RAD23B: variants seen among roughly 807,000 people sequenced by gnomAD.
The protein encoded by RAD23B is lysine-specific demethylase RAD23B.
RAD23B carries 5 observed loss-of-function variants against 49.1 expected under a neutral mutation model. The observed-to-expected ratio is 0.10, with a 90% CI of 0.05 to 0.21. RAD23B has a LOEUF of 0.21. Ranked by LOEUF, RAD23B falls within the 10% of genes least tolerant of loss-of-function variation. The probability of loss-of-function intolerance (pLI) is 1.00; values close to 1 mark genes in which losing one functional copy is unlikely to be tolerated. For synonymous variants in RAD23B, 184 were observed against 165.4 expected (o/e 1.11, Z -0.86); for missense variants, 356 against 486.7 (o/e 0.73, Z 2.53).
chr9:107,318,845 A>G lies in RAD23B; in HGVS notation c.647A>G (p.Asn216Ser). 2 of 1,613,828 alleles carry G rather than the reference A, an allele frequency of 1.2e-6. No homozygotes were observed. The highest frequency in any genetic ancestry group is 1.7e-6 in the Non-Finnish European group (2 of 1,179,720). ...QVIAALRASF[N>S]NPDRAVEYLL... ...ATTGCAGCCCTGAGAGCCAGTTTCA[A>G]CAACCCTGACAGAGCAGTGGAGTAT... Residue 216 changes from asparagine (N) to serine (S), a missense_variant, in exon 6 of 10, where the codon AAC becomes AGC. Physicochemically the swap from Asn to Ser is conservative, Grantham distance 46 (BLOSUM62 1). Transcript: ENST00000358015. This position sits in a 1 kb window ranked among gnomAD's most constrained non-coding sequence, Gnocchi z 4.3.
intron 1 of RAD23B, chr9:107,284,772 C>G (rs1833241035): frequency 8.0e-6 from 9 of 1,122,228 alleles, no homozygotes; most frequent in Non-Finnish European, 7.8e-6. Flanking sequence ...GGGTGGAGAT[C>G]AGGGGCTTTG....
intron 7 of RAD23B, among the ~76,000 whole-genome samples, chr9:107,323,398 T>G (rs994072293): frequency 6.6e-6 from 1 of 152,194 alleles, no homozygotes; most frequent in African/African-American, 2.4e-5. Context: ...GACCTCAGAC[T>G]TTAAATATCT....
chr9:107,327,827 A>G (rs1196611506), intron 9 of RAD23B, among the ~76,000 whole-genome samples: 1 of 152,016 alleles, frequency 6.6e-6, no homozygotes, highest in Non-Finnish European at 1.5e-5. Context: ...AGTTGTCTCT[A>G]TTATTGTTAA....
rs1035484494 is a variant in RAD23B, at chr9:107,326,948, A to G, written c.1116+1944A>G. 7.2e-5 allele frequency among the ~76,000 whole-genome samples: 11 copies of G among 151,834 alleles called. No individual in the cohort carries two copies. The South Asian group carries it at 8.3e-4, about 11-fold the overall frequency. On this transcript the variant is annotated intron_variant, in intron 9 of 9. Transcript: ENST00000358015. ...GCCACTGCACCCGGCCAACTTTTCT[A>G]TTTCTTTTAGAGTCAGTTTTGGTGG... is the stretch of plus-strand genomic sequence containing the variant.
At chr9:107,323,254 A>G (rs1194012404) in intron 7 of RAD23B, among the ~76,000 whole-genome samples, 3 of 152,166 alleles carry the variant, frequency 2.0e-5, no homozygotes, top group Non-Finnish European at 4.4e-5. Context: ...GTTTAGATAT[A>G]TTAGTACTAG....
At chr9:107,306,330 G>A in intron 3 of RAD23B, 49 bp from the exon 4 acceptor site, 2 of 1,546,820 alleles carry the variant, frequency 1.3e-6, no homozygotes, top group Middle Eastern at 1.8e-4. Flanking sequence ...TAGAGATCAG[G>A]CAGTATGTAG....
intron 5 of RAD23B, 145 bp downstream of exon 5, chr9:107,311,882 TAATA>T: frequency 1.6e-6 from 1 of 643,098 alleles, no homozygotes; most frequent in Non-Finnish European, 2.6e-6. Flanking sequence ...ATTATTCAAT[TAATA>T]GTGTTACTAA....
chr9:107,299,612 A>G (rs943331631), intron 1 of RAD23B, among the ~76,000 whole-genome samples: 4 of 152,276 alleles, frequency 2.6e-5, no homozygotes, highest in African/African-American at 9.6e-5. Context: ...AACTTTTTAA[A>G]AATACTGATG....
At chr9:107,308,063 AAT>A (rs1826814827) in intron 4 of RAD23B, among the ~76,000 whole-genome samples, 1 of 152,146 alleles carries the variant, frequency 6.6e-6, no homozygotes, top group Non-Finnish European at 1.5e-5. Flanking sequence ...TTACAAACTT[AAT>A]ATGTCTTAAG....
intron 1 of RAD23B, among the ~76,000 whole-genome samples, chr9:107,288,804 G>T (rs1000140766): frequency 6.6e-6 from 1 of 152,088 alleles, no homozygotes. Flanking sequence ...GTTTTCTATA[G>T]GGAACTGCTA....
chr9:107,319,011 G>A lies in RAD23B; in HGVS notation c.681+132G>A, dbSNP rs2133092073. 3 of 800,912 alleles carry A rather than the reference G, an allele frequency of 3.7e-6. No individual in the cohort carries two copies. The East Asian group carries it at 1.1e-4, about 29-fold the overall frequency. The allele number at this position is 800,912 out of a possible 1,614,324, so 49.6% of individuals were successfully genotyped here. A position where few individuals can be genotyped will look rare whatever the true frequency, so the allele number is the denominator to read the frequency against. ...TATACATAATGCTTTTTTTTTTCTA[G>A]TATGTTTGTATTTTGTGTTAATAAA... On this transcript the variant is annotated intron_variant, in intron 6 of 9. Transcript: ENST00000358015.
chr9:107,320,665 T>C (rs576959170), intron 6 of RAD23B, among the ~76,000 whole-genome samples: 183 of 152,338 alleles, frequency 1.2e-3, no homozygotes, highest in Non-Finnish European at 1.3e-3. Flanking sequence ...TATAAGAGGC[T>C]ATGTAATGTG....
chr9:107,305,328 G>A (rs546787982), intron 3 of RAD23B, among the ~76,000 whole-genome samples: 1 of 152,202 alleles, frequency 6.6e-6, no homozygotes, highest in Admixed American at 6.5e-5. Context: ...AAAATCACGA[G>A]AGAGAATATT....
chr9:107,292,056 G>A (rs1833392995), intron 1 of RAD23B, among the ~76,000 whole-genome samples: 1 of 152,124 alleles, frequency 6.6e-6, no homozygotes. Context: ...TATCCCTCTA[G>A]TCTTTTCAAA....
At chr9:107,301,711 A>AT (rs112842496) in intron 2 of RAD23B, among the ~76,000 whole-genome samples, 9,047 of 148,254 alleles carry the variant, frequency 0.061, 378 homozygotes, top group South Asian at 0.12. Context: ...CTAATTTTGA[A>AT]TTTTTTTTTT....
chr9:107,324,445 A>T (rs144148225), intron 8 of RAD23B, among the ~76,000 whole-genome samples: 288 of 152,342 alleles, frequency 1.9e-3, no homozygotes, highest in African/African-American at 6.6e-3. Context: ...TAGTGATCAG[A>T]TCACCAAGTA....
chr9:107,331,328 C>T lies in RAD23B; in HGVS notation c.*1672C>T, dbSNP rs139160927. On this transcript the variant is annotated 3_prime_UTR_variant, in exon 10 of 10. Coordinates refer to ENST00000358015, the MANE Select transcript of RAD23B (RefSeq NM_002874.5). ...GACCAGCCTGACCGTCATGGCGAAA[C>T]CCCGTCTATACTAAAAATACAAAAA... 11 of 184,906 alleles carry T rather than the reference C, an allele frequency of 5.9e-5. No homozygotes were observed. Among genetic ancestry groups the T allele is most frequent in the Middle Eastern group, 4.5e-3 (2 of 446 alleles). 11.5% of individuals were successfully genotyped at this position (184,906 alleles called of 1,614,324 possible).
Position 107,322,036 on chromosome 9 carries a change from T to G in RAD23B, c.735T>G (p.Ala245=). ...CTGTGGTTGACCCCCCTCAAGCAGC[T>G]AGTACTGGGGCTCCTCAGTCTTCAG... is the stretch of plus-strand genomic sequence containing the variant. ...SQAVVDPPQA[A]STGAPQSSAV... The change falls in exon 7 of 10, where the codon GCT becomes GCG. Residue 245 remains alanine (A), a synonymous_variant. Coordinates refer to ENST00000358015, the MANE Select transcript of RAD23B (RefSeq NM_002874.5). 6.2e-7 allele frequency: 1 copy of G among 1,613,614 alleles called. No individual in the cohort carries two copies. Among genetic ancestry groups the G allele is most frequent in the African/African-American group, 1.3e-5 (1 of 75,038 alleles).
intron 1 of RAD23B, chr9:107,283,982 G>T: frequency 9.0e-7 from 1 of 1,110,684 alleles, no homozygotes; most frequent in Non-Finnish European, 1.1e-6. Context: ...TCGTGCTAGC[G>T]GGGCCGGAGG....
Sources: allele counts gnomAD v4.1 joint callset (sites outside exome capture counted in the v4.1 genomes callset), GRCh38; gene constraint gnomAD v4.1.1; non-coding constraint Gnocchi (gnomAD v3.1); transcripts MANE v1.5; gene names NCBI Gene and HGNC (gene_info 2026-07-23, HGNC 2026-07-21).